Variants in MSH4 observed in about 807,000 individuals in gnomAD.
MSH4 encodes mutS protein homolog 4.
MSH4 carries 106 observed loss-of-function variants against 113.7 expected under a neutral mutation model. That is an observed-to-expected ratio of 0.93 (90% CI 0.80 to 1.10). The LOEUF is 1.10. Ranked by LOEUF, MSH4 falls within the 50% of genes least tolerant of loss-of-function variation. The pLI, the probability that MSH4 is intolerant of heterozygous loss-of-function variation, is 0.00. For synonymous variants in MSH4, 368 were observed against 380.2 expected, an observed-to-expected ratio of 0.97 and a Z score of 0.37; for missense variants, 1,061 against 1,093.7, an observed-to-expected ratio of 0.97 and a Z score of 0.42.
intron 8 of MSH4, among the ~76,000 whole-genome samples, chr1:75,858,518 A>G (rs2100554048): frequency 6.6e-6 from 1 of 152,312 alleles, no homozygotes; most frequent in Middle Eastern, 3.4e-3. Context: ...ATCTATTCAG[A>G]TAATCATGTG....
intron 19 of MSH4, among the ~76,000 whole-genome samples, chr1:75,907,121 T>G (rs1260337372): frequency 6.6e-6 from 1 of 152,202 alleles, no homozygotes; most frequent in African/African-American, 2.4e-5. Context: ...TGTTTGTTTG[T>G]CTTTTGCATG....
chr1:75,798,033 A>G (rs1649856709), intron 1 of MSH4, among the ~76,000 whole-genome samples: 1 of 152,230 alleles, frequency 6.6e-6, no homozygotes, highest in Non-Finnish European at 1.5e-5. Flanking sequence ...CATTTTTCAC[A>G]CACGATTGCA....
At chr1:75,846,117 C>T (rs1651071346) in intron 7 of MSH4, among the ~76,000 whole-genome samples, 1 of 103,900 alleles carries the variant, frequency 9.6e-6, no homozygotes, top group Non-Finnish European at 1.9e-5. Flanking sequence ...TGCTGCAGGG[C>T]AGCAAATGCT....
chr1:75,835,020 A>G (rs1650798314), intron 7 of MSH4, among the ~76,000 whole-genome samples: 1 of 152,180 alleles, frequency 6.6e-6, no homozygotes, highest in African/African-American at 2.4e-5. Context: ...TTTATTCTTA[A>G]ATCTGTAGTT....
rs991138074 is a variant in MSH4, at chr1:75,890,644, T to C, written c.2227-52T>C. 13 of 958,268 alleles carry C rather than the reference T, an allele frequency of 1.4e-5. No homozygotes were observed. In the African/African-American group the frequency reaches 2.2e-4, roughly 16 times the overall value. The allele number at this position is 958,268 out of a possible 1,614,324, so 59.4% of individuals were successfully genotyped here. A position where few individuals can be genotyped will look rare whatever the true frequency, so the allele number is the denominator to read the frequency against. On this transcript the variant is annotated intron_variant, in intron 16 of 19. Transcript: ENST00000263187. Reference sequence around the variant, plus strand: ...GGTTTCTCCTCATTTTTTCCTGTGATATTGACAGCTGTTTGGTTACAATGA... The same window carrying C: ...GGTTTCTCCTCATTTTTTCCTGTGACATTGACAGCTGTTTGGTTACAATGA...
intron 7 of MSH4, among the ~76,000 whole-genome samples, chr1:75,832,592 C>G (rs1458077629): frequency 2.6e-5 from 4 of 152,204 alleles, no homozygotes; most frequent in Non-Finnish European, 5.9e-5. Context: ...CCACCACGAT[C>G]AAGGCGGCTT....
chr1:75,843,367 C>A (rs1414527479), intron 7 of MSH4, among the ~76,000 whole-genome samples: 2 of 152,184 alleles, frequency 1.3e-5, no homozygotes, highest in Non-Finnish European at 1.5e-5. Flanking sequence ...GAAACTCACC[C>A]ACCCTGTGGG....
intron 9 of MSH4, among the ~76,000 whole-genome samples, chr1:75,869,751 C>T (rs926514365): frequency 3.3e-5 from 5 of 152,266 alleles, no homozygotes; most frequent in Admixed American, 6.5e-5. Flanking sequence ...AGAGGATGTA[C>T]GGAAATGCCT....
intron 9 of MSH4, among the ~76,000 whole-genome samples, chr1:75,870,804 A>C (rs1013306022): frequency 3.3e-5 from 5 of 152,186 alleles, no homozygotes; most frequent in Non-Finnish European, 4.4e-5. Flanking sequence ...AAATATGTAT[A>C]GTTAAAGTAA....
intron 1 of MSH4, among the ~76,000 whole-genome samples, chr1:75,800,663 A>C (rs1196983700): frequency 6.6e-6 from 1 of 152,178 alleles, no homozygotes. Context: ...AATGTCTCCT[A>C]AGCTTATGAC....
intron 7 of MSH4, among the ~76,000 whole-genome samples, chr1:75,832,270 G>A (rs770920908): frequency 2.0e-5 from 3 of 152,100 alleles, no homozygotes; most frequent in Non-Finnish European, 2.9e-5. Flanking sequence ...CCAATAACAG[G>A]CTCTGAAATT....
intron 7 of MSH4, among the ~76,000 whole-genome samples, chr1:75,830,812 C>T (rs1353842873): frequency 3.9e-5 from 6 of 152,140 alleles, no homozygotes; most frequent in Non-Finnish European, 7.4e-5. Context: ...AAAGGAACAA[C>T]CAGTACCAGC....
At chr1:75,800,526 C>G (rs967118109) in intron 1 of MSH4, among the ~76,000 whole-genome samples, 4 of 151,844 alleles carry the variant, frequency 2.6e-5, no homozygotes, top group Admixed American at 2.6e-4. Context: ...TGCACAAGGA[C>G]CAAAGAAGAT....
intron 15 of MSH4, among the ~76,000 whole-genome samples, chr1:75,884,924 G>T (rs1165821974): frequency 6.7e-6 from 1 of 150,092 alleles, no homozygotes. Flanking sequence ...ATAATACTTC[G>T]ATTTGAATTA....
At chr1:75,897,306 GCTCT>G (rs1377473280) in intron 17 of MSH4, among the ~76,000 whole-genome samples, 1 of 152,050 alleles carries the variant, frequency 6.6e-6, no homozygotes, top group African/African-American at 2.4e-5. Flanking sequence ...TGTTTAACAG[GCTCT>G]CTAAGGGATT....
chr1:75,847,368 C>T (rs5745404), intron 7 of MSH4, among the ~76,000 whole-genome samples: 28 of 152,244 alleles, frequency 1.8e-4, no homozygotes, highest in Non-Finnish European at 2.9e-4. Context: ...AGTTAGGTAA[C>T]TCTTGGGAAG....
At chr1:75,876,198 G>A (rs374811448) in intron 9 of MSH4, among the ~76,000 whole-genome samples, 25 of 152,186 alleles carry the variant, frequency 1.6e-4, no homozygotes, top group East Asian at 1.5e-3. Flanking sequence ...GGATTAAGTC[G>A]GGGTTGGGGA....
rs149896330 is a variant in MSH4 at position 75,875,797 on chromosome 1, A to C, written c.1306-1139A>C. ...TTTTTCACTATATTAATGGTATGTC[A>C]GGTTTTTTTTTTACTGTTAAGTACT... On this transcript the variant is annotated intron_variant, in intron 9 of 19. Coordinates refer to ENST00000263187, the MANE Select transcript of MSH4 (RefSeq NM_002440.4). 6.7e-3 allele frequency among the ~76,000 whole-genome samples: 1,015 copies of C among 151,408 alleles called. 10 individuals carry two copies. Among genetic ancestry groups the C allele is most frequent in the African/African-American group, 0.023 (964 of 41,388 alleles).
At chr1:75,862,737 T>A (rs931606957) in intron 8 of MSH4, among the ~76,000 whole-genome samples, 1 of 152,170 alleles carries the variant, frequency 6.6e-6, no homozygotes, top group African/African-American at 2.4e-5. Context: ...ATTTACTAAG[T>A]TCAGACTTGT....
Sources: gnomAD v4.1 joint callset for allele counts (sites outside exome capture counted in the v4.1 genomes callset) on GRCh38, gnomAD v4.1.1 for gene constraint, MANE v1.5 for transcripts, NCBI Gene and HGNC (gene_info 2026-07-23, HGNC 2026-07-21) for gene names.